Variants in OAS1 observed in about 807,000 individuals in gnomAD.
OAS1 encodes the protein 2'-5'-oligoadenylate synthase 1.
Under a neutral mutation model 38.5 loss-of-function variants are expected in OAS1, and 24 were observed. The ratio of observed to expected loss-of-function variants is 0.62; its 90% CI spans 0.45 to 0.88. OAS1 has a LOEUF of 0.88. OAS1 is among the 40% of genes least tolerant of loss of function. OAS1 has a pLI of 0.00. For missense variants in OAS1, 482 were observed against 493.9 expected (o/e 0.98, Z 0.23); for synonymous variants, 169 against 193.9 (o/e 0.87, Z 1.07).
rs1474871197 is a variant in OAS1 at position 112,919,614 on chromosome 12, A to G, written c.*61A>G. On this transcript the variant is annotated 3_prime_UTR_variant, in exon 6 of 6. Transcript: ENST00000202917. ...TATCTGGACCAGTTCCTTCATTTTCAGGTGGGACTCTTGATCCAGAGAGGA... is the reference window on the plus strand; with the variant it reads ...TATCTGGACCAGTTCCTTCATTTTCGGGTGGGACTCTTGATCCAGAGAGGA... 5 of 1,613,520 alleles carry G rather than the reference A, an allele frequency of 3.1e-6. No individual in the cohort carries two copies. The highest frequency in any genetic ancestry group is 4.2e-6 in the Non-Finnish European group (5 of 1,179,796).
chr12:112,913,311 A>C (rs2043411542), intron 3 of OAS1, among the ~76,000 whole-genome samples: 1 of 152,176 alleles, frequency 6.6e-6, no homozygotes, highest in African/African-American at 2.4e-5. Context: ...GTTTAGCTTC[A>C]ATCTGCTGTG....
chr12:112,930,038 C>T (rs1301038061), intron 6 of OAS1, among the ~76,000 whole-genome samples: 1 of 152,106 alleles, frequency 6.6e-6, no homozygotes, highest in African/African-American at 2.4e-5. Flanking sequence ...GTGGATTTCT[C>T]ATGGGTAGTT....
At chr12:112,911,021 A>T (rs925167489) in intron 2 of OAS1, 30 bp from the exon 3 acceptor site, 3 of 1,594,004 alleles carry the variant, frequency 1.9e-6, no homozygotes, top group East Asian at 4.5e-5. Context: ...AGAAGAGCTG[A>T]CACCTAAGTT....
rs150398756 is a variant in OAS1 at position 112,907,283 on chromosome 12, T to TGAGA, written c.180+81_180+84dup. ...AATGTGCAAGAGTTGAGATTGAGAA[T>TGAGA]GAGAGAGAGAGAGAGAGAGAAGCAA... is the stretch of plus-strand genomic sequence containing the variant. On this transcript the variant is annotated intron_variant, in intron 1 of 5. Coordinates refer to ENST00000202917, the MANE Select transcript of OAS1 (RefSeq NM_016816.4). 7.5e-5 allele frequency: 110 copies of TGAGA among 1,460,394 alleles called. No individual in the cohort carries two copies. In the East Asian group the frequency reaches 1.2e-3, roughly 15 times the overall value. The allele number at this position is 1,460,394 out of a possible 1,614,324, so 90.5% of individuals were successfully genotyped here.
chr12:112,914,796 T>A (rs928595578), intron 3 of OAS1, among the ~76,000 whole-genome samples: 8 of 151,212 alleles, frequency 5.3e-5, no homozygotes, highest in African/African-American at 1.9e-4. Flanking sequence ...ATGTGCAGGT[T>A]AGTTACATAT....
In OAS1 at chr12:112,908,547, AG is replaced by A; in HGVS notation, c.194del (p.Gly65AlafsTer28). 1 of 1,607,066 alleles carries A rather than the reference AG, an allele frequency of 6.2e-7. No individual in the cohort carries two copies. Among genetic ancestry groups the A allele is most frequent in the Non-Finnish European group, 8.5e-7 (1 of 1,176,370 alleles). On this transcript the variant is annotated frameshift_variant, in exon 2 of 6. Transcript: ENST00000202917. LOFTEE classifies it high-confidence loss of function. ...GTCGTCTTTTTCAGGGTGGCTCCTC[AG>A]GCAAGGGCACCACCCTCAGAGGCCG... ...VSKVVKGGSSGKGTTLRGRSD... is the reference protein window; with the variant it reads ...VSKVVKGGSSXKGTTLRGRSD...
At chr12:112,918,213 T>A in intron 5 of OAS1, 1 of 197,772 alleles carries the variant, frequency 5.1e-6, no homozygotes, top group South Asian at 8.5e-5. Context: ...TCCTCCCTGT[T>A]GGAGTCCCTA....
intron 6 of OAS1, among the ~76,000 whole-genome samples, chr12:112,927,214 T>C (rs980753975): frequency 3.3e-5 from 5 of 152,196 alleles, no homozygotes; most frequent in African/African-American, 1.2e-4. Context: ...GATTAAGAGA[T>C]TAAAGACAGA....
intron 3 of OAS1, 54 bp downstream of exon 3, chr12:112,911,289 G>A: frequency 2.1e-6 from 3 of 1,418,506 alleles, no homozygotes; most frequent in Non-Finnish European, 2.9e-6. Context: ...GAGCAGAGGA[G>A]GGGTGGGGGG....
Position 112,907,154 on chromosome 12 carries a change from G to A in OAS1, c.115G>A (p.Gly39Arg). The change falls in exon 1 of 6, where the codon GGG becomes AGG. Residue 39 changes from glycine (G) to arginine (R), a missense_variant. By Grantham distance (125) the Gly-to-Arg change is moderately radical. Transcript: ENST00000202917. ...CAACCATGCCATTGACATCATCTGT[G>A]GGTTCCTGAAGGAAAGGTGCTTCCG... ...QINHAIDIIC[G>R]FLKERCFRGS... 3 of 1,614,170 alleles carry A rather than the reference G, an allele frequency of 1.9e-6. No individual in the cohort carries two copies. The highest frequency in any genetic ancestry group is 1.7e-6 in the Non-Finnish European group (2 of 1,180,032).
At chr12:112,929,835 G>A (rs1374130413) in intron 6 of OAS1, among the ~76,000 whole-genome samples, 3 of 152,152 alleles carry the variant, frequency 2.0e-5, no homozygotes, top group Non-Finnish European at 4.4e-5. Context: ...CTGAGTTACT[G>A]TGCTTAGCAC....
downstream of OAS1, chr12:112,920,014 C>G (rs1024291781): frequency 1.2e-4 from 32 of 265,432 alleles, 1 homozygote; most frequent in South Asian, 1.6e-3. Context: ...TTATTGAGCA[C>G]TTACTATGTG....
chr12:112,908,735 G>GCAACCCCCGTGCGCT lies in OAS1; in HGVS notation c.383_397dup (p.Asn128_Leu132dup), dbSNP rs753173709. On this transcript the variant is annotated inframe_insertion, in exon 2 of 6. Coordinates refer to ENST00000202917, the MANE Select transcript of OAS1 (RefSeq NM_016816.4). ...TTTGAGGTCCAGGCTCCACGCTGGGGCAACCCCCGTGCGCTCAGCTTCGTA... is the reference window on the plus strand; with the variant it reads ...TTTGAGGTCCAGGCTCCACGCTGGGGCAACCCCCGTGCGCTCAACCCCCGTGCGCTCAGCTTCGTA... 8 of 1,614,196 alleles carry GCAACCCCCGTGCGCT rather than the reference G, an allele frequency of 5.0e-6. No individual in the cohort carries two copies. The highest frequency in any genetic ancestry group is 6.8e-6 in the Non-Finnish European group (8 of 1,180,028).
chr12:112,910,208 A>T (rs532830017), intron 2 of OAS1, among the ~76,000 whole-genome samples: 1 of 152,196 alleles, frequency 6.6e-6, no homozygotes, highest in South Asian at 2.1e-4. Context: ...CATCTACTAA[A>T]AATACAAAAA....
chr12:112,908,953 C>A, intron 2 of OAS1, 129 bp downstream of exon 2: 1 of 1,001,660 alleles, frequency 1.0e-6, no homozygotes, highest in East Asian at 2.5e-5. Context: ...AGGATCTGTC[C>A]CGGGGCAAGA....
rs969378277 is a variant in OAS1, at chr12:112,932,022, A to G, written c.*100A>G. 2.5e-5 allele frequency: 17 copies of G among 673,272 alleles called. No individual in the cohort carries two copies. In the African/African-American group the frequency reaches 2.9e-4, roughly 12 times the overall value. The allele number at this position is 673,272 out of a possible 1,614,324, so 41.7% of individuals were successfully genotyped here. On this transcript the variant is annotated 3_prime_UTR_variant, in exon 7 of 7. Transcript: ENST00000540589. ...GAAATCACAGCAAGGAAAACCTTCA[A>G]TAATAAACAGACGTCTCATAAAATT... is the stretch of plus-strand genomic sequence containing the variant.
chr12:112,922,771 C>A (rs2043538302), downstream of OAS1, among the ~76,000 whole-genome samples: 1 of 152,236 alleles, frequency 6.6e-6, no homozygotes, highest in Admixed American at 6.5e-5. Flanking sequence ...CTTCTTCCAT[C>A]AGCTCCACAG....
intron 6 of OAS1, chr12:112,931,777 G>T: frequency 1.8e-6 from 1 of 561,346 alleles, no homozygotes; most frequent in African/African-American, 1.9e-5. Flanking sequence ...TCTCCTGACT[G>T]CCAGAGTGGA....
intron 6 of OAS1, among the ~76,000 whole-genome samples, chr12:112,925,304 T>C (rs4766665): frequency 0.74 from 112,803 of 151,664 alleles, 43,248 homozygotes; most frequent in African/African-American, 0.94. Flanking sequence ...CTTTTCCTCA[T>C]ACAAATCCCC....
Sources: allele counts gnomAD v4.1 joint callset (sites outside exome capture counted in the v4.1 genomes callset), GRCh38; gene constraint gnomAD v4.1.1; transcripts MANE v1.5; gene names NCBI Gene and HGNC (gene_info 2026-07-23, HGNC 2026-07-21).